SERGEF: variants seen among roughly 807,000 people sequenced by gnomAD.
SERGEF encodes the protein secretion regulating guanine nucleotide exchange factor.
Under a neutral mutation model 50.0 loss-of-function variants are expected in SERGEF, and 51 were observed. That is an observed-to-expected ratio of 1.02 (90% CI 0.81 to 1.29). SERGEF has a LOEUF of 1.29. Among genes scored for constraint, SERGEF ranks in the 50% most tolerant of loss-of-function variants. The pLI, the probability that SERGEF is intolerant of heterozygous loss-of-function variation, is 0.00. For missense variants in SERGEF, 521 were observed against 557.0 expected, an observed-to-expected ratio of 0.94 and a Z score of 0.65; for synonymous variants, 205 against 212.4, an observed-to-expected ratio of 0.97 and a Z score of 0.30.
chr11:17,983,403 A>G (rs890604141), intron 8 of SERGEF, among the ~76,000 whole-genome samples: 3 of 152,204 alleles, frequency 2.0e-5, no homozygotes, highest in Admixed American at 6.5e-5. Flanking sequence ...ATATAAAGAG[A>G]AGAAATGGAG....
intron 6 of SERGEF, among the ~76,000 whole-genome samples, chr11:17,993,921 G>C (rs1853773790): frequency 6.6e-6 from 1 of 152,116 alleles, no homozygotes; most frequent in Admixed American, 6.5e-5. Context: ...TCTCATCAGG[G>C]AACTCCCCCA....
chr11:17,982,946 A>C (rs1198209210), intron 8 of SERGEF, among the ~76,000 whole-genome samples: 1 of 152,234 alleles, frequency 6.6e-6, no homozygotes, highest in Admixed American at 6.5e-5. Context: ...AAGTTGCCAT[A>C]AAGTCACTTT....
At chr11:17,798,979 T>C (rs776074432) in intron 10 of SERGEF, among the ~76,000 whole-genome samples, 16 of 152,152 alleles carry the variant, frequency 1.1e-4, no homozygotes, top group South Asian at 2.1e-4. Flanking sequence ...AAAAGAAAGG[T>C]GGCCCTGGCA....
chr11:17,979,363 C>T (rs927972427), intron 8 of SERGEF, among the ~76,000 whole-genome samples: 23 of 152,162 alleles, frequency 1.5e-4, no homozygotes, highest in Admixed American at 1.4e-3. Context: ...AATGTATCTC[C>T]CTAATCTTGG....
intron 10 of SERGEF, among the ~76,000 whole-genome samples, chr11:17,850,204 G>T (rs1850687492): frequency 6.6e-6 from 1 of 152,140 alleles, no homozygotes; most frequent in Admixed American, 6.5e-5. Context: ...GATCCCCCAT[G>T]ACCCAATCAG....
At chr11:17,856,930 GC>G (rs1850832088) in intron 10 of SERGEF, 1 of 152,112 alleles carries the variant, frequency 6.6e-6, no homozygotes, top group African/African-American at 2.4e-5. Flanking sequence ...CCTTGGCAGA[GC>G]CCCCAAAAAT....
chr11:17,963,529 A>G (rs890184682), intron 8 of SERGEF, among the ~76,000 whole-genome samples: 2 of 151,912 alleles, frequency 1.3e-5, no homozygotes, highest in African/African-American at 4.8e-5. Flanking sequence ...CTGGGAGTAC[A>G]GTCATGCACC....
chr11:17,902,234 G>A (rs950915233), intron 9 of SERGEF, among the ~76,000 whole-genome samples: 1 of 151,984 alleles, frequency 6.6e-6, no homozygotes, highest in Non-Finnish European at 1.5e-5. Context: ...TTTGATTGAT[G>A]AAAGAGCTAT....
At chr11:17,818,471 A>C (rs1395090374) in intron 10 of SERGEF, among the ~76,000 whole-genome samples, 1 of 152,170 alleles carries the variant, frequency 6.6e-6, no homozygotes, top group Admixed American at 6.5e-5. Flanking sequence ...CATGAGATAG[A>C]TACATTATTA....
intron 9 of SERGEF, among the ~76,000 whole-genome samples, chr11:17,955,963 G>A (rs191841244): frequency 4.6e-5 from 7 of 152,302 alleles, no homozygotes; most frequent in Admixed American, 4.6e-4. Context: ...GTGCAGTCAA[G>A]CAGCAAACAA....
chr11:17,889,911 A>C (rs193254492), intron 9 of SERGEF, among the ~76,000 whole-genome samples: 1 of 152,174 alleles, frequency 6.6e-6, no homozygotes, highest in East Asian at 1.9e-4. Context: ...TATATCCAGG[A>C]AGCTTACTGA....
chr11:17,943,786 T>C (rs1281326520), intron 9 of SERGEF, among the ~76,000 whole-genome samples: 4 of 152,262 alleles, frequency 2.6e-5, no homozygotes, highest in African/African-American at 9.6e-5. Context: ...TCAAATCTTT[T>C]TATTTTGAAG....
At chr11:17,980,948 G>A (rs1853484431) in intron 8 of SERGEF, among the ~76,000 whole-genome samples, 1 of 152,166 alleles carries the variant, frequency 6.6e-6, no homozygotes, top group African/African-American at 2.4e-5. Context: ...TGGAAGAAAG[G>A]GACCAGAGAG....
intron 10 of SERGEF, among the ~76,000 whole-genome samples, chr11:17,792,400 C>T (rs1441549492): frequency 6.6e-6 from 1 of 152,196 alleles, no homozygotes; most frequent in African/African-American, 2.4e-5. Context: ...TGGTGAGTGG[C>T]ACCAGCTGAC....
chr11:17,890,295 G>C, intron 9 of SERGEF, among the ~76,000 whole-genome samples: 1 of 152,162 alleles, frequency 6.6e-6, no homozygotes. Context: ...ATGGGAGCCA[G>C]GTTTCTCATA....
At chr11:17,872,290 GTGTTTTCTTTTCT>G (rs1851154516) in intron 10 of SERGEF, among the ~76,000 whole-genome samples, 1 of 1,110 alleles carries the variant, frequency 9.0e-4, no homozygotes, top group East Asian at 0.045. Flanking sequence ...GCTCTGGATG[GTGTTTTCTTTTCT>G]ATATCTTGCT....
chr11:17,982,084 C>T (rs973784337), intron 8 of SERGEF, among the ~76,000 whole-genome samples: 3 of 152,144 alleles, frequency 2.0e-5, no homozygotes, highest in South Asian at 2.1e-4. Flanking sequence ...GAATTACAGA[C>T]GTGAGCCACC....
At chr11:17,854,680 T>G (rs1224259413) in intron 10 of SERGEF, 1 of 152,204 alleles carries the variant, frequency 6.6e-6, no homozygotes, top group Non-Finnish European at 1.5e-5. Context: ...CAAAATATCT[T>G]AATTTGCATC....
At chr11:17,980,638 A>C (rs1853478485) in intron 8 of SERGEF, among the ~76,000 whole-genome samples, 1 of 152,118 alleles carries the variant, frequency 6.6e-6, no homozygotes, top group South Asian at 2.1e-4. Flanking sequence ...CATTCTTTTC[A>C]CTTACTATAC....
Sources: allele counts gnomAD v4.1 joint callset (sites outside exome capture counted in the v4.1 genomes callset), GRCh38; gene constraint gnomAD v4.1.1; transcripts MANE v1.5; gene names NCBI Gene and HGNC (gene_info 2026-07-23, HGNC 2026-07-21).